Variants in KCNH7 observed in about 807,000 individuals in gnomAD.
KCNH7 encodes the protein potassium voltage-gated channel subfamily H member 7, also known as voltage-gated inwardly rectifying potassium channel KCNH7.
In KCNH7, 49 loss-of-function variants were observed where a neutral mutation model predicts 120.8. That is an observed-to-expected ratio of 0.41 (90% confidence interval 0.32 to 0.51). The LOEUF (loss-of-function observed/expected upper bound fraction) is 0.51. KCNH7 is among the 20% of genes least tolerant of loss of function. The probability of loss-of-function intolerance (pLI) is 0.38; values close to 1 mark genes in which losing one functional copy is unlikely to be tolerated. For missense variants in KCNH7, 1,097 were observed against 1,446.6 expected (o/e 0.76, Z 3.92); for synonymous variants, 547 against 516.1 (o/e 1.06, Z -0.81).
chr2:162,715,946 T>G (rs199532912), intron 2 of KCNH7, among the ~76,000 whole-genome samples: 1 of 146,396 alleles, frequency 6.8e-6, no homozygotes, highest in African/African-American at 2.5e-5. Context: ...GAGCATGTCT[T>G]TGTGTGTGTG....
intron 2 of KCNH7, among the ~76,000 whole-genome samples, chr2:162,760,762 T>C (rs1428118355): frequency 6.6e-6 from 1 of 152,096 alleles, no homozygotes; most frequent in Non-Finnish European, 1.5e-5. Flanking sequence ...CATTGCAGCA[T>C]CTGCTCTAAA....
chr2:162,740,287 T>C (rs539388861), intron 2 of KCNH7, among the ~76,000 whole-genome samples: 2 of 152,334 alleles, frequency 1.3e-5, no homozygotes, highest in South Asian at 4.1e-4. Flanking sequence ...TCTGGAGCAA[T>C]GTCCTAGTCT....
intron 2 of KCNH7, among the ~76,000 whole-genome samples, chr2:162,733,301 T>C (rs746115026): frequency 6.6e-6 from 1 of 152,244 alleles, no homozygotes; most frequent in Non-Finnish European, 1.5e-5. Flanking sequence ...TTAGCCCATG[T>C]AGATTACATT....
At chr2:162,621,050 A>T (rs1056151487) in intron 2 of KCNH7, among the ~76,000 whole-genome samples, 4 of 151,998 alleles carry the variant, frequency 2.6e-5, no homozygotes, top group Non-Finnish European at 5.9e-5. Context: ...CCATCAAATT[A>T]CCTTGTCCCA....
rs373989736 is a variant in KCNH7 at position 162,770,180 on chromosome 2, CCTTTA to C, written c.307+66352_307+66356del. 1.0e-3 allele frequency among the ~76,000 whole-genome samples: 154 copies of C among 151,806 alleles called. No homozygotes were observed. The Middle Eastern group carries it at 0.014, about 14-fold the overall frequency. ...TAATTCTCACATCAATCCACTCATC[CCTTTA>C]CTTTATAAAATCTGAATGAACTTAT... On this transcript the variant is annotated intron_variant, in intron 2 of 15. Coordinates refer to ENST00000332142, the MANE Select transcript of KCNH7 (RefSeq NM_033272.4).
intron 9 of KCNH7, among the ~76,000 whole-genome samples, chr2:162,413,918 C>T (rs1044156758): frequency 6.8e-4 from 102 of 151,016 alleles, no homozygotes; most frequent in Admixed American, 5.7e-3. Flanking sequence ...TAAAATAATA[C>T]GGAAAAAATA....
At chr2:162,469,617 G>A (rs111362569) in intron 6 of KCNH7, among the ~76,000 whole-genome samples, 1 of 152,224 alleles carries the variant, frequency 6.6e-6, no homozygotes, top group African/African-American at 2.4e-5. Context: ...TGTGGTCCTC[G>A]AGCCTTTTTT....
At chr2:162,487,468 T>TG (rs921901531) in intron 6 of KCNH7, among the ~76,000 whole-genome samples, 6 of 151,836 alleles carry the variant, frequency 4.0e-5, no homozygotes, top group Admixed American at 2.6e-4. Context: ...TTAATTTTGG[T>TG]GGGGGGTGAG....
intron 2 of KCNH7, among the ~76,000 whole-genome samples, chr2:162,830,296 A>C (rs991628602): frequency 1.3e-5 from 2 of 152,178 alleles, no homozygotes; most frequent in African/African-American, 4.8e-5. Context: ...AAAATATGTT[A>C]CTTCTTTAAG....
chr2:162,634,189 T>C (rs1683864422), intron 2 of KCNH7, among the ~76,000 whole-genome samples: 1 of 152,082 alleles, frequency 6.6e-6, no homozygotes, highest in Non-Finnish European at 1.5e-5. Context: ...ATACTATATT[T>C]TTATATCATT....
At chr2:162,443,051 C>T (rs1444415555) in intron 7 of KCNH7, among the ~76,000 whole-genome samples, 1 of 152,110 alleles carries the variant, frequency 6.6e-6, no homozygotes, top group Non-Finnish European at 1.5e-5. Flanking sequence ...TCTTGTATAT[C>T]TAAACAACAA....
At chr2:162,690,771 T>C (rs1281054471) in intron 2 of KCNH7, among the ~76,000 whole-genome samples, 3 of 152,144 alleles carry the variant, frequency 2.0e-5, no homozygotes, top group Non-Finnish European at 4.4e-5. Flanking sequence ...CTCAGATAAT[T>C]GGCATGTTAA....
chr2:162,479,185 CAA>C (rs909042913), intron 6 of KCNH7, among the ~76,000 whole-genome samples: 5 of 127,794 alleles, frequency 3.9e-5, no homozygotes, highest in African/African-American at 1.2e-4. Context: ...TTTTTTTTTT[CAA>C]AAAAAGTCAT....
At chr2:162,811,789 G>T (rs1684742242) in intron 2 of KCNH7, among the ~76,000 whole-genome samples, 1 of 152,106 alleles carries the variant, frequency 6.6e-6, no homozygotes, top group African/African-American at 2.4e-5. Context: ...ATGATTAGAA[G>T]AAACTTGAAC....
Position 162,384,772 on chromosome 2 carries a change from C to T in KCNH7, c.2878G>A (p.Gly960Arg). 6.2e-7 allele frequency: 1 copy of T among 1,612,796 alleles called. No individual in the cohort carries two copies. The highest frequency in any genetic ancestry group is 8.5e-7 in the Non-Finnish European group (1 of 1,179,110). ...SGIVDSSPGI[G>R]KASGLDFEET... ...TCAAAATCGAGCCCAGATGCTTTCC[C>T]TATTCCTGGAGAAGAGTCTACTATT... Residue 960 changes from glycine to arginine, a missense_variant, in exon 13 of 16, where the codon GGG becomes AGG. Around this residue, in one of 8 missense-constraint regions of KCNH7, gnomAD observed 406 missense variants for 410.5 expected, o/e 0.99. Transcript: ENST00000332142.
At chr2:162,633,649 A>AT (rs1390883324) in intron 2 of KCNH7, among the ~76,000 whole-genome samples, 1 of 151,822 alleles carries the variant, frequency 6.6e-6, no homozygotes, top group African/African-American at 2.4e-5. Flanking sequence ...TGGTAAACTG[A>AT]TTTTTTGCAG....
At position 162,748,991 on chromosome 2, in the gene KCNH7, T is replaced by TTCCTTCC. The variant is rs1559114097; in HGVS notation, c.307+87545_307+87546insGGAAGGA. 4.9e-3 allele frequency among the ~76,000 whole-genome samples: 412 copies of TTCCTTCC among 84,926 alleles called. 62 individuals are homozygous for TTCCTTCC. Among genetic ancestry groups the TTCCTTCC allele is most frequent in the African/African-American group, 0.019 (323 of 16,636 alleles). The allele number at this position is 84,926 out of a possible 152,430, so 55.7% of individuals were successfully genotyped here. On this transcript the variant is annotated intron_variant, in intron 2 of 15. Transcript: ENST00000332142. ...CCTTCCTTCCTTCCTTCCTTCCTTC[T>TTCCTTCC]TTCCTCTCTTTTGCACTGAAAAGCA...
chr2:162,507,379 T>C (rs1049264901), intron 5 of KCNH7, among the ~76,000 whole-genome samples: 1 of 151,676 alleles, frequency 6.6e-6, no homozygotes, highest in Non-Finnish European at 1.5e-5. Context: ...TTCCTATGTA[T>C]GTAAAATGAT....
chr2:162,400,121 A>G (rs1412025840), intron 10 of KCNH7, 68 bp downstream of exon 10: 2 of 1,510,144 alleles, frequency 1.3e-6, no homozygotes, highest in Non-Finnish European at 1.8e-6. Context: ...TTTTTTTCCT[A>G]ATCATTTTAA....
Sources: allele counts gnomAD v4.1 joint callset (sites outside exome capture counted in the v4.1 genomes callset), GRCh38; gene constraint gnomAD v4.1.1; regional missense constraint gnomAD v4.1.1; transcripts MANE v1.5; gene names NCBI Gene and HGNC (gene_info 2026-07-23, HGNC 2026-07-21).